Variants in DDX18 observed in about 807,000 individuals in gnomAD.
DDX18 encodes DEAD-box helicase 18, also known as ATP-dependent RNA helicase DDX18.
Under a neutral mutation model 73.5 loss-of-function variants are expected in DDX18, and 23 were observed. The observed-to-expected ratio is 0.31, with a 90% CI of 0.23 to 0.44. The LOEUF (loss-of-function observed/expected upper bound fraction) is 0.44, where lower values mean the gene tolerates loss of function less well. DDX18 is among the 20% of genes least tolerant of loss of function. The pLI is 1.00. For synonymous variants in DDX18, 268 were observed against 282.7 expected (o/e 0.95, Z 0.52); for missense variants, 753 against 792.9 (o/e 0.95, Z 0.60).
intron 11 of DDX18, 55 bp from the exon 12 acceptor site, chr2:117,828,894 A>G (rs981810367): frequency 7.3e-6 from 9 of 1,230,964 alleles, no homozygotes; most frequent in African/African-American, 1.5e-5. Context: ...TTCAGTACCC[A>G]GTATCGGAAT....
At chr2:117,820,600 A>C (rs1558732431) in intron 3 of DDX18, among the ~76,000 whole-genome samples, 1 of 152,326 alleles carries the variant, frequency 6.6e-6, no homozygotes, top group Admixed American at 6.5e-5. Context: ...TGCCAAGGTC[A>C]AGAGTGATTG....
intron 8 of DDX18, 23 bp from the exon 9 acceptor site, chr2:117,824,917 C>G (rs1300473603): frequency 6.3e-7 from 1 of 1,585,820 alleles, no homozygotes. Context: ...TCATTTGTAT[C>G]TGTCTGCTTA....
At chr2:117,818,961 G>A (rs1679803107) in intron 2 of DDX18, among the ~76,000 whole-genome samples, 1 of 152,226 alleles carries the variant, frequency 6.6e-6, no homozygotes, top group Non-Finnish European at 1.5e-5. Flanking sequence ...CAGGTACAGG[G>A]AGGAGACCAG....
chr2:117,829,103 C>G (rs1558735351), intron 12 of DDX18, 98 bp downstream of exon 12: 1 of 1,235,820 alleles, frequency 8.1e-7, no homozygotes, highest in Non-Finnish European at 1.2e-6. Context: ...TGAAGTCTAC[C>G]CTGTCCTAAA....
At chr2:117,828,673 A>T in intron 11 of DDX18, 1 of 312,962 alleles carries the variant, frequency 3.2e-6, no homozygotes. Flanking sequence ...TCATGGTTGC[A>T]AATAGTCAGG....
chr2:117,828,042 C>T (rs1679963597), intron 11 of DDX18: 1 of 152,120 alleles, frequency 6.6e-6, no homozygotes, highest in South Asian at 2.1e-4. Context: ...GATGGTATCT[C>T]ACTGTGATTT....
Position 117,825,573 on chromosome 2 carries a change from C to G in DDX18, c.1495C>G (p.Gln499Glu). The change falls in exon 10 of 14, where the codon CAG becomes GAG. Residue 499 changes from glutamine (Q) to glutamate (E), a missense_variant. Transcript: ENST00000263239. ...CATTCCTGAAGTCGACTGGATTGTT[C>G]AGTATGACCCTCCGGATGACCCTAA... The part of the protein sequence containing the change: ...LDIPEVDWIV[Q>E]YDPPDDPKEY... 1 of 1,614,170 alleles carries G rather than the reference C, an allele frequency of 6.2e-7. No homozygotes were observed. The highest frequency in any genetic ancestry group is 8.5e-7 in the Non-Finnish European group (1 of 1,180,008).
chr2:117,828,574 C>T lies in DDX18; in HGVS notation c.1636-375C>T, dbSNP rs78556961. ...TCATGGCCTCCAGTGTCACAAGCCT[C>T]AATACAGGACTGTGGGGGTATTAGG... On this transcript the variant is annotated intron_variant, in intron 11 of 13. Transcript: ENST00000263239. The T allele has an allele frequency of 5.2e-3, 882 of 169,378 alleles. 9 individuals are homozygous for T. The highest frequency in any genetic ancestry group is 0.019 in the African/African-American group (798 of 41,908). The allele number at this position is 169,378 out of a possible 1,614,324, so 10.5% of individuals were successfully genotyped here.
At chr2:117,821,536 G>A in intron 4 of DDX18, 114 bp from the exon 5 acceptor site, 1 of 1,229,510 alleles carries the variant, frequency 8.1e-7, no homozygotes, top group Non-Finnish European at 1.2e-6. Flanking sequence ...ATCAATTTCA[G>A]CACTGTAGAC....
intron 1 of DDX18, 128 bp downstream of exon 1, chr2:117,814,990 A>G: frequency 1.1e-6 from 1 of 949,592 alleles, no homozygotes; most frequent in Non-Finnish European, 1.6e-6. Context: ...GATTGGGGAG[A>G]GTGAAAAGGC....
rs1019559862 is a variant in DDX18, at chr2:117,814,993, G to A, written c.85+131G>A. 4 of 911,416 alleles carry A rather than the reference G, an allele frequency of 4.4e-6. No homozygotes were observed. In the South Asian group the frequency reaches 5.9e-5, roughly 14 times the overall value. 56.5% of individuals were successfully genotyped at this position (911,416 alleles called of 1,614,324 possible). On this transcript the variant is annotated intron_variant, in intron 1 of 13. Coordinates refer to ENST00000263239, the MANE Select transcript of DDX18 (RefSeq NM_006773.4). ...TGCAGCGTGTGTGATTGGGGAGAGT[G>A]AAAAGGCAGCTTCCACTCGGGACCC...
chr2:117,820,717 G>A (rs1679831662), intron 3 of DDX18, among the ~76,000 whole-genome samples: 1 of 152,140 alleles, frequency 6.6e-6, no homozygotes, highest in Admixed American at 6.5e-5. Context: ...CTAACATTCT[G>A]TGGCTGTATC....
At chr2:117,826,183 G>C in intron 10 of DDX18, 86 bp from the exon 11 acceptor site, 1 of 1,103,370 alleles carries the variant, frequency 9.1e-7, no homozygotes, top group South Asian at 1.4e-5. Context: ...TCTCAGTACA[G>C]ACATGCACAT....
chr2:117,830,622 T>A lies in DDX18; in HGVS notation c.1911T>A (p.Gly637=). 1.2e-6 allele frequency: 2 copies of A among 1,613,330 alleles called. No individual in the cohort carries two copies. The highest frequency in any genetic ancestry group is 1.7e-6 in the Non-Finnish European group (2 of 1,179,690). Residue 637 remains glycine (G), a synonymous_variant, in exon 14 of 14, where the codon GGT becomes GGA. Transcript: ENST00000263239. The stretch of plus-strand genomic sequence containing the variant: ...AAGGCAAGCAGAAAAAGCGAGGAGG[T>A]GGTGGTGGATTTGGCTACCAGAAAA... ...SNEGKQKKRG[G]GGGFGYQKTK...
intron 10 of DDX18, 87 bp downstream of exon 10, chr2:117,825,686 C>T: frequency 6.7e-7 from 1 of 1,491,648 alleles, no homozygotes; most frequent in South Asian, 1.2e-5. Flanking sequence ...AACTGCATTC[C>T]ACATTCAAGG....
chr2:117,815,272 C>G (rs1207685785), intron 1 of DDX18, among the ~76,000 whole-genome samples: 1 of 152,132 alleles, frequency 6.6e-6, no homozygotes, highest in Non-Finnish European at 1.5e-5. Flanking sequence ...TATTTAATTC[C>G]CGTATTTCTT....
rs1315614581 is a variant in DDX18, at chr2:117,829,441, C to T, written c.1845C>T (p.Phe615=). 6.2e-7 allele frequency: 1 copy of T among 1,610,718 alleles called. No homozygotes were observed. The highest frequency in any genetic ancestry group is 8.5e-7 in the Non-Finnish European group (1 of 1,179,242). The change falls in exon 13 of 14, where the codon TTC becomes TTT. Residue 615 remains phenylalanine, a synonymous_variant. Coordinates refer to ENST00000263239, the MANE Select transcript of DDX18 (RefSeq NM_006773.4). The part of the protein sequence containing the change: ...NLPQVALSFG[F]KVPPFVDLNV... ...CTCAGGTTGCTCTGTCATTTGGTTT[C>T]AAGGTGCCTCCCTTCGTTGATCTGA...
intron 11 of DDX18, chr2:117,828,177 AT>A (rs894565478): frequency 6.6e-6 from 1 of 151,846 alleles, no homozygotes; most frequent in Non-Finnish European, 1.5e-5. Flanking sequence ...GGGTTGTTTG[AT>A]TTTTTCTTGT....
chr2:117,816,919 C>T (rs1679768450), intron 1 of DDX18, among the ~76,000 whole-genome samples: 1 of 152,188 alleles, frequency 6.6e-6, no homozygotes, highest in Non-Finnish European at 1.5e-5. Flanking sequence ...ATTGTGCACG[C>T]ATTACTGTAT....
Sources: allele counts gnomAD v4.1 joint callset (sites outside exome capture counted in the v4.1 genomes callset), GRCh38; gene constraint gnomAD v4.1.1; transcripts MANE v1.5; gene names NCBI Gene and HGNC (gene_info 2026-07-23, HGNC 2026-07-21).